Variants in DOCK2 observed in about 807,000 individuals in gnomAD.
The protein encoded by DOCK2 is dedicator of cytokinesis 2, also known as dedicator of cytokinesis protein 2.
A neutral mutation model predicts 248.9 loss-of-function variants in DOCK2; 87 were observed. The ratio of observed to expected loss-of-function variants is 0.35; its 90% CI spans 0.29 to 0.42. The LOEUF is 0.42. Ranked by LOEUF, DOCK2 falls within the 10% of genes least tolerant of loss-of-function variation. DOCK2 has a pLI of 1.00. For synonymous variants in DOCK2, 805 were observed against 821.6 expected (o/e 0.98, Z 0.35); for missense variants, 1,747 against 2,300.2 (o/e 0.76, Z 4.92).
intron 26 of DOCK2, among the ~76,000 whole-genome samples, chr5:169,835,976 G>T (rs1769555379): frequency 6.6e-6 from 1 of 152,110 alleles, no homozygotes; most frequent in Admixed American, 6.5e-5. Flanking sequence ...GGCTGATCTT[G>T]AACTCATGGG....
rs143945187 is a variant in DOCK2, at chr5:169,999,013, C to T, written c.3072+2849C>T. On this transcript the variant is annotated intron_variant, in intron 30 of 51. Coordinates refer to ENST00000520908, the MANE Select transcript of DOCK2 (RefSeq NM_004946.3). ...TGACAGGGTTTGGTCCATATAACTG[C>T]GAGCTAGTTTGTTCATCTCTTTCCG... Among the ~76,000 whole-genome samples the T allele has an allele frequency of 5.9e-5, 9 of 152,270 alleles. No homozygotes were observed. The East Asian group carries it at 1.5e-3, about 26-fold the overall frequency.
chr5:170,026,452 G>A (rs907927975), intron 33 of DOCK2, among the ~76,000 whole-genome samples: 13 of 152,258 alleles, frequency 8.5e-5, no homozygotes, highest in Admixed American at 4.6e-4. Flanking sequence ...TATGAAGACC[G>A]GGTGTAAAGA....
At chr5:170,007,195 A>C (rs1755064927) in intron 30 of DOCK2, among the ~76,000 whole-genome samples, 1 of 152,186 alleles carries the variant, frequency 6.6e-6, no homozygotes, top group Non-Finnish European at 1.5e-5. Flanking sequence ...TCTTTGAGTT[A>C]AGGAGGAAGG....
intron 2 of DOCK2, 56 bp downstream of exon 2, chr5:169,654,542 G>A: frequency 6.3e-7 from 1 of 1,590,048 alleles, no homozygotes; most frequent in Non-Finnish European, 8.6e-7. Context: ...GAAGCCTATA[G>A]TACACCCAGG....
chr5:169,792,364 A>G (rs72841170), intron 25 of DOCK2, among the ~76,000 whole-genome samples: 14 of 70,686 alleles, frequency 2.0e-4, no homozygotes, highest in East Asian at 5.1e-4. Context: ...GTGTGTGTGT[A>G]TATATATATT....
rs188467338 is a variant in DOCK2, at chr5:169,891,219, C to T, written c.2799+50367C>T. Among the ~76,000 whole-genome samples, 926 of 152,280 alleles carry T rather than the reference C, an allele frequency of 6.1e-3. 4 individuals are homozygous for T. Among genetic ancestry groups the T allele is most frequent in the Admixed American group, 9.2e-3 (140 of 15,292 alleles). On this transcript the variant is annotated intron_variant, in intron 27 of 51. Transcript: ENST00000520908. ...TCCTCTTTCCCCAGATCCTTCCAAGCCTGTTATCTCCAGGAGACACTCCCT... is the reference window on the plus strand; with the variant it reads ...TCCTCTTTCCCCAGATCCTTCCAAGTCTGTTATCTCCAGGAGACACTCCCT...
At chr5:169,788,635 T>C (rs1222142809) in intron 25 of DOCK2, among the ~76,000 whole-genome samples, 2 of 152,202 alleles carry the variant, frequency 1.3e-5, no homozygotes, top group African/African-American at 4.8e-5. Flanking sequence ...GTAAGGGCAG[T>C]TGGAGCTCAT....
Position 169,761,526 on chromosome 5 carries a change from C to G in DOCK2, c.2455C>G (p.Leu819Val), listed in dbSNP as rs775904342. Reference protein sequence around the residue: ...VFDAKLLSQLLYEFYTCIPPV... With the variant: ...VFDAKLLSQLVYEFYTCIPPV... ...TATTTTTCCTGCCCTCAGCCAACTC[C>G]TGTATGAGTTCTACACCTGCATCCC... Residue 819 changes from leucine to valine, a missense_variant, in exon 25 of 52, where the codon CTG becomes GTG. Physicochemically the swap from Leu to Val is conservative, Grantham distance 32 (BLOSUM62 1). Around this residue, in one of 4 missense-constraint regions of DOCK2, gnomAD observed 858 missense variants for 1,183.5 expected, o/e 0.72. Transcript: ENST00000520908. The G allele has an allele frequency of 1.2e-6, 2 of 1,613,408 alleles. No homozygotes were observed. The highest frequency in any genetic ancestry group is 1.1e-5 in the South Asian group (1 of 91,038).
intron 26 of DOCK2, among the ~76,000 whole-genome samples, chr5:169,838,605 G>C (rs1428772978): frequency 2.6e-5 from 4 of 152,180 alleles, no homozygotes; most frequent in Non-Finnish European, 5.9e-5. Context: ...AATATGGGGA[G>C]ATCTGTCTTC....
At chr5:169,875,351 A>C in intron 27 of DOCK2, 1 of 456,494 alleles carries the variant, frequency 2.2e-6, no homozygotes, top group Admixed American at 2.3e-5. Context: ...ATGGTCCACG[A>C]CCACGCTTTG....
chr5:169,867,658 C>T (rs1010894301), intron 27 of DOCK2, among the ~76,000 whole-genome samples: 6 of 151,476 alleles, frequency 4.0e-5, no homozygotes, highest in African/African-American at 1.5e-4. Context: ...CTACCTCTAG[C>T]ATCTATTTGT....
At chr5:169,819,375 C>T (rs148575920) in intron 26 of DOCK2, among the ~76,000 whole-genome samples, 70 of 152,294 alleles carry the variant, frequency 4.6e-4, no homozygotes, top group Middle Eastern at 3.4e-3. Context: ...AATACCAGCA[C>T]TTTGGGAAGC....
intron 27 of DOCK2, among the ~76,000 whole-genome samples, chr5:169,868,883 G>A (rs1260223040): frequency 6.6e-6 from 1 of 152,190 alleles, no homozygotes; most frequent in East Asian, 1.9e-4. Flanking sequence ...TTGAAGCCCA[G>A]CCCAACATAG....
At chr5:169,810,765 C>T (rs1249491875) in intron 26 of DOCK2, among the ~76,000 whole-genome samples, 1 of 152,166 alleles carries the variant, frequency 6.6e-6, no homozygotes, top group Non-Finnish European at 1.5e-5. Flanking sequence ...GCGCAAGCGA[C>T]TCCATCTTGG....
intron 27 of DOCK2, among the ~76,000 whole-genome samples, chr5:169,889,388 A>G (rs1461030557): frequency 6.6e-6 from 1 of 152,210 alleles, no homozygotes; most frequent in African/African-American, 2.4e-5. Context: ...TGTAATAAAT[A>G]CTGTGGAGAT....
intron 2 of DOCK2, among the ~76,000 whole-genome samples, chr5:169,655,565 A>G (rs1758061808): frequency 6.6e-6 from 1 of 152,208 alleles, no homozygotes; most frequent in African/African-American, 2.4e-5. Context: ...ACTCCTCACC[A>G]CAACCCACAG....
intron 22 of DOCK2, among the ~76,000 whole-genome samples, chr5:169,721,811 T>C (rs1330525922): frequency 1.3e-5 from 2 of 152,214 alleles, no homozygotes; most frequent in Non-Finnish European, 2.9e-5. Context: ...GGAATTTTTA[T>C]TTTACTATAT....
intron 27 of DOCK2, among the ~76,000 whole-genome samples, chr5:169,963,887 TGTGG>T (rs1561854280): frequency 6.6e-6 from 1 of 152,046 alleles, no homozygotes; most frequent in Admixed American, 6.5e-5. Flanking sequence ...ATTCAGTGGG[TGTGG>T]GGTGGAGCCT....
intron 27 of DOCK2, among the ~76,000 whole-genome samples, chr5:169,906,392 C>A (rs1338590120): frequency 6.6e-6 from 1 of 152,242 alleles, no homozygotes; most frequent in Non-Finnish European, 1.5e-5. Context: ...TCAATTAAAA[C>A]CACCATCATT....
Sources: gnomAD v4.1 joint callset for allele counts (sites outside exome capture counted in the v4.1 genomes callset) on GRCh38, gnomAD v4.1.1 for gene constraint, gnomAD v4.1.1 regional missense constraint, MANE v1.5 for transcripts, NCBI Gene and HGNC (gene_info 2026-07-23, HGNC 2026-07-21) for gene names.